ADCY1: variants seen among roughly 807,000 people sequenced by gnomAD.
ADCY1 encodes the protein adenylate cyclase type 1.
Under a neutral mutation model 105.4 loss-of-function variants are expected in ADCY1, and 28 were observed. The observed-to-expected ratio is 0.27, with a 90% CI of 0.20 to 0.36. The LOEUF is 0.36. Among genes scored for constraint, ADCY1 ranks in the 10% least tolerant of loss-of-function variants. ADCY1 has a pLI of 1.00. For synonymous variants in ADCY1, 655 were observed against 623.8 expected (o/e 1.05, Z -0.75); for missense variants, 977 against 1,434.2 (o/e 0.68, Z 5.15).
intron 2 of ADCY1, among the ~76,000 whole-genome samples, chr7:45,596,546 C>T (rs1182293135): frequency 6.6e-6 from 1 of 152,120 alleles, no homozygotes; most frequent in Non-Finnish European, 1.5e-5. Context: ...CAACCCAGTC[C>T]TGAGAGGGAT....
In ADCY1 at chr7:45,665,870, A is replaced by C. The variant is rs1312145139; in HGVS notation, c.1605+3656A>C. On this transcript the variant is annotated intron_variant, in intron 8 of 19. Coordinates refer to ENST00000297323, the MANE Select transcript of ADCY1 (RefSeq NM_021116.4). The stretch of plus-strand genomic sequence containing the variant: ...GGTTGATCTCATGTCTACTGGTGTC[A>C]TGAACATCTTTTTTCACAAATGTCT... Among the ~76,000 whole-genome samples, 3 of 152,182 alleles carry C rather than the reference A, an allele frequency of 2.0e-5. 1 individual carries two copies. The highest frequency in any genetic ancestry group is 7.2e-5 in the African/African-American group (3 of 41,462).
At chr7:45,706,608 G>A (rs1338114466) in intron 17 of ADCY1, among the ~76,000 whole-genome samples, 1 of 150,184 alleles carries the variant, frequency 6.7e-6, no homozygotes, top group Non-Finnish European at 1.5e-5. Context: ...ACTTTTAGAA[G>A]ATAACATAGA....
At chr7:45,672,504 G>GT (rs2116165950) in intron 8 of ADCY1, among the ~76,000 whole-genome samples, 1 of 151,906 alleles carries the variant, frequency 6.6e-6, no homozygotes, top group African/African-American at 2.4e-5. Context: ...ATTGTGAGGT[G>GT]TTCAGCATAC....
At chr7:45,633,801 A>C (rs1003129445) in intron 4 of ADCY1, among the ~76,000 whole-genome samples, 106 of 114,274 alleles carry the variant, frequency 9.3e-4, no homozygotes, top group African/African-American at 3.5e-3. Flanking sequence ...ACATCATCGC[A>C]AAAAAAAAAA....
At chr7:45,680,879 T>C (rs549072485) in intron 11 of ADCY1, among the ~76,000 whole-genome samples, 2 of 152,322 alleles carry the variant, frequency 1.3e-5, no homozygotes, top group African/African-American at 4.8e-5. Context: ...GAAAAGCCAT[T>C]GGGCAAGAAG....
intron 8 of ADCY1, among the ~76,000 whole-genome samples, chr7:45,663,544 G>C (rs1416258349): frequency 1.3e-5 from 2 of 152,220 alleles, no homozygotes; most frequent in Admixed American, 1.3e-4. Flanking sequence ...TATTTGGCTG[G>C]ATCGGTGGGC....
intron 8 of ADCY1, among the ~76,000 whole-genome samples, chr7:45,669,994 T>C (rs569917863): frequency 2.0e-5 from 3 of 152,232 alleles, no homozygotes; most frequent in Non-Finnish European, 4.4e-5. Context: ...GAAGTAATAG[T>C]ATATGGCTAA....
At position 45,647,636 on chromosome 7, in the gene ADCY1, G is replaced by T. The variant is rs1044338075; in HGVS notation, c.1021-1034G>T. Among the ~76,000 whole-genome samples the T allele has an allele frequency of 5.3e-5, 8 of 152,176 alleles. No homozygotes were observed. The highest frequency in any genetic ancestry group is 1.7e-4 in the African/African-American group (7 of 41,450). ...CAGCACGAAGGCTGGATGCAGAAGT[G>T]GGTCACAGAATCCACTGTCTGCCCT... On this transcript the variant is annotated intron_variant, in intron 4 of 19. Coordinates refer to ENST00000297323, the MANE Select transcript of ADCY1 (RefSeq NM_021116.4). This position sits in a 1 kb window ranked among gnomAD's most constrained non-coding sequence, Gnocchi z 4.6.
At position 45,574,463 on chromosome 7, in the gene ADCY1, C is replaced by T. The variant is rs1166440250; in HGVS notation, c.-81C>T. The T allele has an allele frequency of 1.8e-5, 4 of 216,538 alleles. No individual in the cohort carries two copies. The highest frequency in any genetic ancestry group is 7.2e-5 in the African/African-American group (3 of 41,562). The allele number at this position is 216,538 out of a possible 1,614,324, so 13.4% of individuals were successfully genotyped here. On this transcript the variant is annotated 5_prime_UTR_variant, in exon 1 of 20. Transcript: ENST00000297323. This position sits in a 1 kb window ranked among gnomAD's most constrained non-coding sequence, Gnocchi z 7.0. ...CGCCTCGCCGCCCGCCGCCCGCCCG[C>T]CCCGGCGCCGCCGCCCGCGCCCCGG...
At chr7:45,660,317 G>C in intron 7 of ADCY1, 134 bp downstream of exon 7, 1 of 1,271,096 alleles carries the variant, frequency 7.9e-7, no homozygotes, top group Non-Finnish European at 1.1e-6. Context: ...GATGGGGAGA[G>C]TTGTCCCCAC....
rs141023985 is a variant in ADCY1, at chr7:45,648,780, C to T, written c.1131C>T (p.Asp377=). The change falls in exon 5 of 20, where the codon GAC becomes GAT. Residue 377 remains aspartate (D), a synonymous_variant. Coordinates refer to ENST00000297323, the MANE Select transcript of ADCY1 (RefSeq NM_021116.4). ...HAHCCVEMGL[D]MIDTITSVAE... ...ACTGCTGTGTGGAGATGGGACTCGACATGATTGATACCATCACGTAAGTAC... is the reference window on the plus strand; with the variant it reads ...ACTGCTGTGTGGAGATGGGACTCGATATGATTGATACCATCACGTAAGTAC... The T allele has an allele frequency of 4.7e-5, 76 of 1,614,090 alleles. No individual in the cohort carries two copies. The African/African-American group carries it at 8.5e-4, about 18-fold the overall frequency.
At chr7:45,576,616 T>A (rs1470905509) in intron 1 of ADCY1, among the ~76,000 whole-genome samples, 5 of 152,020 alleles carry the variant, frequency 3.3e-5, no homozygotes, top group Non-Finnish European at 5.9e-5. Flanking sequence ...GGAAGGAGGC[T>A]CTTCCACAGC....
At chr7:45,601,497 G>A (rs960848430) in intron 2 of ADCY1, among the ~76,000 whole-genome samples, 9 of 151,994 alleles carry the variant, frequency 5.9e-5, no homozygotes, top group Non-Finnish European at 7.4e-5. Context: ...ACTCCTTTTC[G>A]CAGTACTGCC....
At chr7:45,614,808 G>T (rs1329602262) in intron 3 of ADCY1, among the ~76,000 whole-genome samples, 1 of 152,118 alleles carries the variant, frequency 6.6e-6, no homozygotes, top group East Asian at 1.9e-4. Flanking sequence ...TGATAAAAGG[G>T]TCAGCTCCCA....
At chr7:45,713,611 T>C in intron 19 of ADCY1, 82 bp from the exon 20 acceptor site, 1 of 712,580 alleles carries the variant, frequency 1.4e-6, no homozygotes, top group South Asian at 1.6e-5. Flanking sequence ...CAGCAACAGA[T>C]GCAGGATGGA....
chr7:45,630,932 GA>G (rs1320794515), intron 4 of ADCY1, among the ~76,000 whole-genome samples: 3 of 152,140 alleles, frequency 2.0e-5, no homozygotes, highest in African/African-American at 7.2e-5. Context: ...ACCACACACT[GA>G]GAGCAGCCAT....
intron 1 of ADCY1, among the ~76,000 whole-genome samples, chr7:45,581,972 TCA>T (rs1243744379): frequency 5.9e-5 from 9 of 151,974 alleles, no homozygotes; most frequent in Admixed American, 1.3e-4. Context: ...CAGTGCATAC[TCA>T]CACATCCATA....
At chr7:45,637,169 C>T (rs1794414148) in intron 4 of ADCY1, among the ~76,000 whole-genome samples, 2 of 152,204 alleles carry the variant, frequency 1.3e-5, no homozygotes, top group South Asian at 4.1e-4. Flanking sequence ...TCTACCATCA[C>T]ATGATTTATT....
At chr7:45,664,994 T>C (rs1795232378) in intron 8 of ADCY1, among the ~76,000 whole-genome samples, 1 of 152,178 alleles carries the variant, frequency 6.6e-6, no homozygotes, top group Non-Finnish European at 1.5e-5. Flanking sequence ...TGTATTCTCA[T>C]TGTTCAATTT....
Sources: gnomAD v4.1 joint callset for allele counts (sites outside exome capture counted in the v4.1 genomes callset) on GRCh38, gnomAD v4.1.1 for gene constraint, Gnocchi (gnomAD v3.1) non-coding constraint, MANE v1.5 for transcripts, NCBI Gene and HGNC (gene_info 2026-07-23, HGNC 2026-07-21) for gene names.